Variants in LRP1B observed in about 807,000 individuals in gnomAD.
The protein encoded by LRP1B is LDL receptor related protein 1B.
Under a neutral mutation model 556.6 loss-of-function variants are expected in LRP1B, and 217 were observed. The ratio of observed to expected loss-of-function variants is 0.39; its 90% CI spans 0.35 to 0.44. The LOEUF (loss-of-function observed/expected upper bound fraction) is 0.44. Among genes scored for constraint, LRP1B ranks in the 20% least tolerant of loss-of-function variants. The pLI, the probability that LRP1B is intolerant of heterozygous loss-of-function variation, is 1.00. For missense variants in LRP1B, 5,053 were observed against 5,620.8 expected (o/e 0.90, Z 3.23); for synonymous variants, 2,047 against 1,865.8 (o/e 1.10, Z -2.50).
At chr2:141,683,498 C>T (rs548032897) in intron 2 of LRP1B, among the ~76,000 whole-genome samples, 7 of 152,132 alleles carry the variant, frequency 4.6e-5, no homozygotes, top group South Asian at 2.1e-4. Context: ...TGTTACACAG[C>T]GGCAGGAAAC....
At chr2:140,491,634 G>A (rs550751480) in intron 57 of LRP1B, among the ~76,000 whole-genome samples, 3 of 152,084 alleles carry the variant, frequency 2.0e-5, no homozygotes, top group African/African-American at 7.2e-5. Context: ...TATTTGGGCA[G>A]CAAAAAACTT....
chr2:141,560,757 A>G (rs1390183876), intron 2 of LRP1B, among the ~76,000 whole-genome samples: 5 of 151,656 alleles, frequency 3.3e-5, no homozygotes, highest in African/African-American at 4.8e-5. Flanking sequence ...GAAAACTCCA[A>G]CTAGTTTCAG....
chr2:140,759,279 T>C (rs1028055540), intron 35 of LRP1B, among the ~76,000 whole-genome samples: 14 of 152,006 alleles, frequency 9.2e-5, no homozygotes, highest in Non-Finnish European at 1.5e-4. Flanking sequence ...TATTAAGAGG[T>C]TGCTTTGTAT....
intron 32 of LRP1B, among the ~76,000 whole-genome samples, chr2:140,812,496 ATTT>A (rs1690963503): frequency 6.6e-6 from 1 of 152,012 alleles, no homozygotes; most frequent in Non-Finnish European, 1.5e-5. Context: ...TGATAAAAAT[ATTT>A]TTTATCTAGA....
At chr2:140,269,999 G>C (rs1274690359) in intron 86 of LRP1B, among the ~76,000 whole-genome samples, 1 of 151,882 alleles carries the variant, frequency 6.6e-6, no homozygotes, top group African/African-American at 2.4e-5. Context: ...CAAGTTCAAA[G>C]GTCTATGCAT....
chr2:140,945,792 T>G (rs1050068213), intron 20 of LRP1B, among the ~76,000 whole-genome samples: 2 of 152,158 alleles, frequency 1.3e-5, no homozygotes, highest in African/African-American at 4.8e-5. Context: ...CTTCTAGATA[T>G]TGGCATAGGC....
At chr2:140,492,737 G>A in intron 56 of LRP1B, 44 bp from the exon 57 acceptor site, 3 of 1,298,238 alleles carry the variant, frequency 2.3e-6, no homozygotes, top group South Asian at 1.2e-5. Flanking sequence ...AAGTATGTAT[G>A]CTTTTCCCCT....
chr2:140,967,356 A>G (rs1429420985), intron 18 of LRP1B, among the ~76,000 whole-genome samples: 1 of 149,914 alleles, frequency 6.7e-6, no homozygotes, highest in Non-Finnish European at 1.5e-5. Flanking sequence ...TTATTGGTGT[A>G]TAAGAATGCT....
At chr2:141,235,030 T>A (rs1255412040) in intron 5 of LRP1B, among the ~76,000 whole-genome samples, 1 of 152,126 alleles carries the variant, frequency 6.6e-6, no homozygotes, top group Non-Finnish European at 1.5e-5. Context: ...ATGAATAATA[T>A]TCAGAATAAT....
chr2:141,039,555 C>G (rs1208271968), intron 11 of LRP1B, among the ~76,000 whole-genome samples: 1 of 152,018 alleles, frequency 6.6e-6, no homozygotes, highest in Non-Finnish European at 1.5e-5. Context: ...TCTCTTTTGA[C>G]CTTCCCAGCA....
At chr2:142,060,246 A>G (rs1704854230) in intron 1 of LRP1B, among the ~76,000 whole-genome samples, 1 of 152,070 alleles carries the variant, frequency 6.6e-6, no homozygotes, top group Non-Finnish European at 1.5e-5. Flanking sequence ...ATTCCATTCC[A>G]TATCATAAGC....
intron 85 of LRP1B, among the ~76,000 whole-genome samples, chr2:140,274,119 G>C (rs578056544): frequency 2.0e-5 from 3 of 152,050 alleles, no homozygotes; most frequent in Admixed American, 6.6e-5. Flanking sequence ...ATTACATGTA[G>C]TTTTTGAAAG....
At chr2:141,624,036 C>CAAAAAA in intron 2 of LRP1B, among the ~76,000 whole-genome samples, 4 of 90,750 alleles carry the variant, frequency 4.4e-5, no homozygotes, top group Admixed American at 1.5e-4. Flanking sequence ...AAAAATTAAA[C>CAAAAAA]AAAAAAAAAA....
chr2:141,306,585 C>T (rs1041672167), intron 3 of LRP1B, among the ~76,000 whole-genome samples: 29 of 152,034 alleles, frequency 1.9e-4, no homozygotes, highest in Non-Finnish European at 5.9e-5. Context: ...ACTAACCTTT[C>T]ACTTTGTAGA....
At chr2:140,980,942 G>A (rs1040252091) in intron 18 of LRP1B, among the ~76,000 whole-genome samples, 2 of 152,116 alleles carry the variant, frequency 1.3e-5, no homozygotes, top group African/African-American at 4.8e-5. Context: ...GTCTTTTTCA[G>A]CAACTTGGAT....
chr2:141,260,989 G>T (rs1684662478), intron 3 of LRP1B, among the ~76,000 whole-genome samples: 1 of 151,902 alleles, frequency 6.6e-6, no homozygotes, highest in Non-Finnish European at 1.5e-5. Context: ...TCCCTATGTG[G>T]CACATTAAAA....
intron 1 of LRP1B, among the ~76,000 whole-genome samples, chr2:141,913,619 T>G (rs1355539820): frequency 2.6e-5 from 4 of 152,028 alleles, no homozygotes; most frequent in African/African-American, 9.7e-5. Context: ...AATACCCCAC[T>G]TGGAAAGAGG....
intron 1 of LRP1B, among the ~76,000 whole-genome samples, chr2:142,007,029 A>G (rs2105147343): frequency 6.6e-6 from 1 of 152,348 alleles, no homozygotes; most frequent in Middle Eastern, 3.4e-3. Flanking sequence ...CACAATGACA[A>G]AAATCAGAAT....
chr2:141,746,912 G>A (rs952948348), intron 2 of LRP1B, among the ~76,000 whole-genome samples: 2 of 152,072 alleles, frequency 1.3e-5, no homozygotes, highest in African/African-American at 2.4e-5. Context: ...CTCAATGCTT[G>A]CAAATAACAA....
Sources: allele counts gnomAD v4.1 joint callset (sites outside exome capture counted in the v4.1 genomes callset), GRCh38; gene constraint gnomAD v4.1.1; transcripts MANE v1.5; gene names NCBI Gene and HGNC (gene_info 2026-07-23, HGNC 2026-07-21).